Variants in PCDHA3 observed in about 807,000 individuals in gnomAD.
The protein encoded by PCDHA3 is protocadherin alpha-3.
PCDHA3 carries 41 observed loss-of-function variants against 62.2 expected under a neutral mutation model. The observed-to-expected ratio is 0.66, with a 90% confidence interval of 0.51 to 0.86. The LOEUF (loss-of-function observed/expected upper bound fraction) is 0.86, where lower values mean the gene tolerates loss of function less well. Among genes scored for constraint, PCDHA3 ranks in the 40% least tolerant of loss-of-function variants. PCDHA3 has a pLI of 0.00. For missense variants in PCDHA3, 1,304 were observed against 1,241.2 expected (o/e 1.05, Z -0.76); for synonymous variants, 640 against 555.4 (o/e 1.15, Z -2.14).
chr5:140,997,577 T>G (rs2097775398), intron 3 of PCDHA3, among the ~76,000 whole-genome samples: 1 of 152,186 alleles, frequency 6.6e-6, no homozygotes, highest in Admixed American at 6.5e-5. Flanking sequence ...GTGTGGTCCG[T>G]TGTTGACTGA....
chr5:140,866,238 A>G (rs1317266389), intron 1 of PCDHA3: 2 of 152,166 alleles, frequency 1.3e-5, no homozygotes, highest in Admixed American at 1.3e-4. Context: ...ACTATATACC[A>G]AAAATGACAC....
At chr5:140,983,734 G>A (rs1194473513) in intron 3 of PCDHA3, among the ~76,000 whole-genome samples, 15 of 152,170 alleles carry the variant, frequency 9.9e-5, no homozygotes, top group African/African-American at 3.4e-4. Context: ...TAACATGGCT[G>A]GCTTGCAATA....
intron 1 of PCDHA3, chr5:140,821,702 T>A: frequency 7.0e-7 from 1 of 1,423,086 alleles, no homozygotes; most frequent in Admixed American, 2.2e-5. Context: ...AATATATAGT[T>A]AATTGGGAAT....
intron 1 of PCDHA3, among the ~76,000 whole-genome samples, chr5:140,926,157 C>T (rs1264983904): frequency 4.0e-5 from 6 of 151,736 alleles, no homozygotes; most frequent in Non-Finnish European, 8.8e-5. Flanking sequence ...GAAAGCTCTG[C>T]AGCAGGATCC....
intron 1 of PCDHA3, chr5:140,870,111 G>A (rs112749867): frequency 6.8e-6 from 11 of 1,613,880 alleles, no homozygotes; most frequent in Non-Finnish European, 9.3e-6. Flanking sequence ...GTACAGTCTG[G>A]GTGGAAATCT....
intron 1 of PCDHA3, chr5:140,927,555 C>G: frequency 6.2e-7 from 1 of 1,614,176 alleles, no homozygotes. Context: ...AAGTCACCAT[C>G]ATTGTGGTGG....
intron 1 of PCDHA3, among the ~76,000 whole-genome samples, chr5:140,933,619 T>C (rs2089273151): frequency 2.6e-5 from 4 of 152,058 alleles, no homozygotes; most frequent in Non-Finnish European, 2.9e-5. Flanking sequence ...TCTTATTAGG[T>C]TAGGCTGGCC....
At chr5:140,964,792 C>T (rs183206526) in intron 1 of PCDHA3, among the ~76,000 whole-genome samples, 5 of 151,738 alleles carry the variant, frequency 3.3e-5, no homozygotes, top group African/African-American at 7.3e-5. Context: ...AAGCCAGAGA[C>T]CCAAGAAAGG....
intron 1 of PCDHA3, chr5:140,928,615 A>T: frequency 6.2e-7 from 1 of 1,614,276 alleles, no homozygotes. Flanking sequence ...CCGCTCTGCC[A>T]GGACTGGACA....
At chr5:140,823,190 A>G in intron 1 of PCDHA3, 2 of 1,613,854 alleles carry the variant, frequency 1.2e-6, no homozygotes, top group South Asian at 1.1e-5. Flanking sequence ...CCAGGCTGCC[A>G]CATCTTCACG....
chr5:140,839,976 A>G (rs1776500319), intron 1 of PCDHA3, among the ~76,000 whole-genome samples: 1 of 152,102 alleles, frequency 6.6e-6, no homozygotes, highest in African/African-American at 2.4e-5. Flanking sequence ...TATGACTCCT[A>G]TTGGAAAGTG....
intron 1 of PCDHA3, chr5:140,822,163 C>T: frequency 6.2e-7 from 1 of 1,614,250 alleles, no homozygotes; most frequent in Non-Finnish European, 8.5e-7. Context: ...TGACAATCCG[C>T]CCAGGTTCTC....
At chr5:140,940,616 G>A (rs1554213527) in intron 1 of PCDHA3, among the ~76,000 whole-genome samples, 3 of 152,002 alleles carry the variant, frequency 2.0e-5, no homozygotes, top group Non-Finnish European at 4.4e-5. Flanking sequence ...CCTGGCTCCT[G>A]CAAATATTCT....
At chr5:140,871,192 G>GTGTACC (rs1171954428) in intron 1 of PCDHA3, 40 of 1,613,550 alleles carry the variant, frequency 2.5e-5, no homozygotes, top group Non-Finnish European at 3.1e-5. Context: ...GGATGTCAAC[G>GTGTACC]TGTACCTGAT....
At chr5:140,857,896 T>C in intron 1 of PCDHA3, 1 of 1,597,704 alleles carries the variant, frequency 6.3e-7, no homozygotes, top group Non-Finnish European at 8.6e-7. Flanking sequence ...CGGCGGTTGG[T>C]GCACGCATCC....
At chr5:140,824,227 T>A in intron 1 of PCDHA3, 5 of 1,544,522 alleles carry the variant, frequency 3.2e-6, no homozygotes, top group Non-Finnish European at 4.5e-6. Context: ...TATGTCTTAG[T>A]ACACAAATAT....
At position 140,967,525 on chromosome 5, in the gene PCDHA3, C is replaced by T. The variant is rs368677084; in HGVS notation, c.2395-11424C>T. The stretch of plus-strand genomic sequence containing the variant: ...TGCGTGTCCTGGACACTAACGACAA[C>T]TCTCCTGCCTTTGACCAGTCCACTT... On this transcript the variant is annotated intron_variant, in intron 1 of 3. Coordinates refer to ENST00000522353, the MANE Select transcript of PCDHA3 (RefSeq NM_018906.3). 3.7e-5 allele frequency: 59 copies of T among 1,613,048 alleles called. No individual in the cohort carries two copies. The African/African-American group carries it at 7.3e-4, about 20-fold the overall frequency.
rs2150409803 is a variant in PCDHA3, at chr5:140,848,387, C to G, written c.2394+44796C>G. The G allele has an allele frequency of 1.0e-3, 1,245 of 1,223,718 alleles. 70 individuals are homozygous for G. In the African/African-American group the frequency reaches 0.017, roughly 16 times the overall value. 75.8% of individuals were successfully genotyped at this position (1,223,718 alleles called of 1,614,324 possible). On this transcript the variant is annotated intron_variant, in intron 1 of 3. Coordinates refer to ENST00000522353, the MANE Select transcript of PCDHA3 (RefSeq NM_018906.3). The stretch of plus-strand genomic sequence containing the variant: ...AAGAGGCTCAATTCTTTTTCACTCT[C>G]TCTGTGCTGAACGATGGCGAACACA...
intron 1 of PCDHA3, chr5:140,875,824 C>T (rs1554167977): frequency 7.4e-6 from 12 of 1,614,156 alleles, no homozygotes; most frequent in East Asian, 2.2e-5. Context: ...GCAGGTTTTC[C>T]ATGTGGACGT....
Sources: gnomAD v4.1 joint callset for allele counts (sites outside exome capture counted in the v4.1 genomes callset) on GRCh38, gnomAD v4.1.1 for gene constraint, MANE v1.5 for transcripts, NCBI Gene and HGNC (gene_info 2026-07-23, HGNC 2026-07-21) for gene names.